The following TAF4 variants were observed in gnomAD, a reference collection of about 807,000 sequenced individuals.
TAF4 encodes the protein TATA-box binding protein associated factor 4.
Under a neutral mutation model 90.3 loss-of-function variants are expected in TAF4, and 9 were observed. The observed-to-expected ratio is 0.10, with a 90% CI of 0.06 to 0.17. The LOEUF (loss-of-function observed/expected upper bound fraction) is 0.17. TAF4 is among the 10% of genes least tolerant of loss of function. The probability of loss-of-function intolerance (pLI) is 1.00; values close to 1 mark genes in which losing one functional copy is unlikely to be tolerated. For missense variants in TAF4, 1,351 were observed against 1,370.7 expected, an observed-to-expected ratio of 0.99 and a Z score of 0.23; for synonymous variants, 818 against 638.9, an observed-to-expected ratio of 1.28 and a Z score of -4.23.
intron 1 of TAF4, among the ~76,000 whole-genome samples, chr20:62,059,657 G>A (rs945358387): frequency 8.5e-5 from 13 of 152,150 alleles, no homozygotes; most frequent in South Asian, 2.1e-4. Flanking sequence ...TTAAGTAAAC[G>A]CCCCCATCAC....
chr20:62,011,543 G>A (rs989201222), intron 3 of TAF4, among the ~76,000 whole-genome samples: 2 of 152,170 alleles, frequency 1.3e-5, no homozygotes, highest in Admixed American at 1.3e-4. Context: ...CCAAGGGCGG[G>A]GCCTGCACCA....
Position 62,065,482 on chromosome 20 carries a change from G to C in TAF4, c.329C>G (p.Pro110Arg). Residue 110 changes from proline (P) to arginine (R), a missense_variant, in exon 1 of 15, where the codon CCG (proline) becomes CGG (arginine). Transcript: ENST00000252996. ...GGPQRPGPPSPRRPLVPAGPA... is the reference protein window; with the variant it reads ...GGPQRPGPPSRRRPLVPAGPA... Reference sequence around the variant, plus strand: ...CCCTGCGGGGACAAGGGGGCGGCGCGGTGAGGGGGGGCCCGGGCGCTGCGG... The same window carrying C: ...CCCTGCGGGGACAAGGGGGCGGCGCCGTGAGGGGGGGCCCGGGCGCTGCGG... 1 of 971,660 alleles carries C rather than the reference G, an allele frequency of 1.0e-6. No homozygotes were observed. The highest frequency in any genetic ancestry group is 1.2e-6 in the Non-Finnish European group (1 of 820,772). 60.2% of individuals were successfully genotyped at this position (971,660 alleles called of 1,614,324 possible).
chr20:61,989,597 G>C (rs535030446), intron 14 of TAF4, among the ~76,000 whole-genome samples: 1 of 144 alleles, frequency 6.9e-3, no homozygotes, highest in East Asian at 0.5. Context: ...GAGGGATCCC[G>C]GCACCCACAG....
intron 11 of TAF4, among the ~76,000 whole-genome samples, chr20:61,999,605 G>T (rs1477364101): frequency 1.3e-5 from 2 of 152,188 alleles, no homozygotes; most frequent in African/African-American, 4.8e-5. Context: ...GCACCTCAGG[G>T]TCTGCCAGTT....
chr20:62,052,086 G>C (rs913342156), intron 1 of TAF4, among the ~76,000 whole-genome samples: 1 of 152,098 alleles, frequency 6.6e-6, no homozygotes, highest in Non-Finnish European at 1.5e-5. Flanking sequence ...CTGCATCCCC[G>C]CAGCACAGCA....
In TAF4 at chr20:61,998,973, C is replaced by T. The variant is rs1228242008; in HGVS notation, c.2913+10G>A. On this transcript the variant is annotated intron_variant, in intron 12 of 14. Transcript: ENST00000252996. ...TGCCCAGACGGCAGCAGCAGACACC[C>T]AGCACTCGCCTTTGCTGCCCTCATC... is the stretch of plus-strand genomic sequence containing the variant. 2 of 1,612,478 alleles carry T rather than the reference C, an allele frequency of 1.2e-6. No individual in the cohort carries two copies. Among genetic ancestry groups the T allele is most frequent in the Non-Finnish European group, 1.7e-6 (2 of 1,179,758 alleles).
chr20:61,990,549 G>A (rs2055625046), intron 14 of TAF4, among the ~76,000 whole-genome samples: 1 of 152,182 alleles, frequency 6.6e-6, no homozygotes, highest in African/African-American at 2.4e-5. Context: ...CGACGGGCCT[G>A]GACCCAGGAG....
Position 62,007,622 on chromosome 20 carries a change from T to G in TAF4, c.1899A>C (p.Glu633Asp). ...ATAACCTGCTTGTGAAATCTTCTGC[T>G]TCTATTTTTCCATCCTTAAAAATAA... ...LVQNLLDGKI[E>D]AEDFTSRLYR... The change falls in exon 6 of 15, where the codon GAA becomes GAC. Residue 633 changes from glutamate (E) to aspartate (D), a missense_variant. By Grantham distance (45) the Glu-to-Asp change is conservative. Around this residue, in one of 9 missense-constraint regions of TAF4, gnomAD observed 44 missense variants for 97.4 expected, o/e 0.45. Transcript: ENST00000252996. 2 of 1,602,984 alleles carry G rather than the reference T, an allele frequency of 1.2e-6. No individual in the cohort carries two copies. Among genetic ancestry groups the G allele is most frequent in the Non-Finnish European group, 1.7e-6 (2 of 1,175,026 alleles).
intron 9 of TAF4, among the ~76,000 whole-genome samples, chr20:62,001,580 T>TC (rs952388967): frequency 2.6e-5 from 4 of 151,888 alleles, no homozygotes; most frequent in African/African-American, 9.7e-5. Flanking sequence ...TCTCCTGGGG[T>TC]CGTTGTGTCT....
At chr20:62,040,596 G>A (rs1257545422) in intron 1 of TAF4, among the ~76,000 whole-genome samples, 2 of 152,204 alleles carry the variant, frequency 1.3e-5, no homozygotes, top group African/African-American at 4.8e-5. Flanking sequence ...TCTGCCACGC[G>A]CCAACTACGC....
At position 62,043,937 on chromosome 20, in the gene TAF4, C is replaced by T. The variant is rs534143035; in HGVS notation, c.1360+20514G>A. On this transcript the variant is annotated intron_variant, in intron 1 of 14. Transcript: ENST00000252996. ...ATTTCTAAGCCCACTGCAGGCTGGA[C>T]GGGAAGACACAGAGGCAGGGCCCGT... Among the ~76,000 whole-genome samples, 11 of 152,310 alleles carry T rather than the reference C, an allele frequency of 7.2e-5. No individual in the cohort carries two copies. The East Asian group carries it at 1.7e-3, about 24-fold the overall frequency.
intron 1 of TAF4, among the ~76,000 whole-genome samples, chr20:62,040,841 C>A (rs2055959753): frequency 6.6e-6 from 1 of 152,214 alleles, no homozygotes; most frequent in African/African-American, 2.4e-5. Flanking sequence ...AACATTTACC[C>A]AAAAGAAAAG....
At chr20:61,982,165 C>T (rs1201983537) in intron 14 of TAF4, among the ~76,000 whole-genome samples, 11 of 52,238 alleles carry the variant, frequency 2.1e-4, no homozygotes, top group African/African-American at 6.6e-4. Context: ...CAAACTCACA[C>T]CCCACCCGAG....
rs1381521378 is a variant in TAF4 at position 62,003,826 on chromosome 20, G to A, written c.2276C>T (p.Thr759Met). 2 of 1,603,622 alleles carry A rather than the reference G, an allele frequency of 1.2e-6. No homozygotes were observed. The highest frequency in any genetic ancestry group is 1.3e-5 in the African/African-American group (1 of 74,446). Reference protein sequence around the residue: ...PGALIRPPQVTLTQTPMVALR... With the variant: ...PGALIRPPQVMLTQTPMVALR... ...GGCGACCATGGGTGTCTGCGTCAAC[G>A]TCACCTGCGGGGGCCGGATCAGGGC... The change falls in exon 8 of 15, where the codon ACG (threonine) becomes ATG (methionine). Residue 759 changes from threonine (T) to methionine (M), a missense_variant. Physicochemically the swap from Thr to Met is moderately conservative, Grantham distance 81. This residue lies in a region of TAF4 where 202 missense variants were observed against 229.7 expected (regional missense o/e 0.88). Coordinates refer to ENST00000252996, the MANE Select transcript of TAF4 (RefSeq NM_003185.4).
chr20:61,989,083 G>T (rs374694699), intron 14 of TAF4, among the ~76,000 whole-genome samples: 6 of 152,278 alleles, frequency 3.9e-5, no homozygotes, highest in Admixed American at 3.3e-4. Context: ...CAAGGATGGG[G>T]GCGGCTAAAC....
intron 1 of TAF4, among the ~76,000 whole-genome samples, chr20:62,047,314 C>T (rs561724663): frequency 1.3e-5 from 2 of 152,144 alleles, no homozygotes; most frequent in Non-Finnish European, 2.9e-5. Context: ...GGTCACACCA[C>T]CAGCCTGCAC....
chr20:62,065,231 C>G lies in TAF4; in HGVS notation c.580G>C (p.Ala194Pro). The change falls in exon 1 of 15, where the codon GCC (alanine) becomes CCC (proline). Residue 194 changes from alanine (A) to proline (P), a missense_variant. Transcript: ENST00000252996. Reference protein sequence around the residue: ...PGPGKPAGPGAAQTLNGSAAL... With the variant: ...PGPGKPAGPGPAQTLNGSAAL... ...GCGCTCCCATTCAAAGTTTGCGCGG[C>G]GCCGGGGCCGGCGGGCTTGCCAGGG... 9.0e-7 allele frequency: 1 copy of G among 1,113,222 alleles called. No individual in the cohort carries two copies. Among genetic ancestry groups the G allele is most frequent in the South Asian group, 1.7e-5 (1 of 59,118 alleles). 69.0% of individuals were successfully genotyped at this position (1,113,222 alleles called of 1,614,324 possible).
chr20:62,010,257 C>A lies in TAF4; in HGVS notation c.1642-92G>T. 1 of 1,588,504 alleles carries A rather than the reference C, an allele frequency of 6.3e-7. No individual in the cohort carries two copies. Among genetic ancestry groups the A allele is most frequent in the Non-Finnish European group, 8.6e-7 (1 of 1,167,424 alleles). On this transcript the variant is annotated intron_variant, in intron 3 of 14. Transcript: ENST00000252996. This position sits in a 1 kb window ranked among gnomAD's most constrained non-coding sequence, Gnocchi z 4.5. ...CTCACGCCCAGCAAAAGAAAACAAG[C>A]CTCCCTGCGGTGGCCAGGACGCCCA...
At chr20:62,027,573 C>G (rs188898011) in intron 1 of TAF4, among the ~76,000 whole-genome samples, 69 of 152,326 alleles carry the variant, frequency 4.5e-4, no homozygotes, top group Non-Finnish European at 9.4e-4. Flanking sequence ...ACCGTATATG[C>G]TAATTCCTTA....
Sources: allele counts gnomAD v4.1 joint callset (sites outside exome capture counted in the v4.1 genomes callset), GRCh38; gene constraint gnomAD v4.1.1; regional missense constraint gnomAD v4.1.1; non-coding constraint Gnocchi (gnomAD v3.1); transcripts MANE v1.5; gene names NCBI Gene and HGNC (gene_info 2026-07-23, HGNC 2026-07-21).